EMSY: variants seen among roughly 807,000 people sequenced by gnomAD.
The protein encoded by EMSY is BRCA2-interacting transcriptional repressor EMSY.
A neutral mutation model predicts 134.6 loss-of-function variants in EMSY; 26 were observed. The observed-to-expected ratio is 0.19, with a 90% CI of 0.14 to 0.27. EMSY has a LOEUF of 0.27. Among genes scored for constraint, EMSY ranks in the 10% least tolerant of loss-of-function variants. The probability of loss-of-function intolerance (pLI) is 1.00; values close to 1 mark genes in which losing one functional copy is unlikely to be tolerated. For missense variants in EMSY, 1,305 were observed against 1,611.4 expected (o/e 0.81, Z 3.26); for synonymous variants, 579 against 577.8 (o/e 1.00, Z -0.03).
chr11:76,450,056 GCT>G (rs1491296393), intron 2 of EMSY, among the ~76,000 whole-genome samples: 1 of 85,166 alleles, frequency 1.2e-5, no homozygotes, highest in Non-Finnish European at 2.1e-5. Context: ...TTGTACATTT[GCT>G]TTTTTTTTTT....
At chr11:76,450,311 T>G (rs1425638767) in intron 2 of EMSY, among the ~76,000 whole-genome samples, 1 of 152,158 alleles carries the variant, frequency 6.6e-6, no homozygotes, top group African/African-American at 2.4e-5. Flanking sequence ...GACTCTATTC[T>G]GGGTCCGATA....
chr11:76,491,582 A>C (rs1244944845), intron 8 of EMSY, among the ~76,000 whole-genome samples: 2 of 152,166 alleles, frequency 1.3e-5, no homozygotes, highest in African/African-American at 4.8e-5. Flanking sequence ...TGGCCCTCCT[A>C]GGCAGAAGCC....
At chr11:76,459,749 T>A in intron 5 of EMSY, 184 bp from the exon 7 acceptor site, 1 of 560,114 alleles carries the variant, frequency 1.8e-6, no homozygotes, top group Non-Finnish European at 3.0e-6. Flanking sequence ...AAAAATCTAT[T>A]TAAGTGATAA....
chr11:76,541,102 T>C (rs896117835), intron 17 of EMSY, among the ~76,000 whole-genome samples: 1 of 152,210 alleles, frequency 6.6e-6, no homozygotes, highest in African/African-American at 2.4e-5. Context: ...GGTGCACACA[T>C]GTAATCCCAG....
chr11:76,449,216 ATG>A (rs1335272276), intron 2 of EMSY, among the ~76,000 whole-genome samples: 1 of 152,236 alleles, frequency 6.6e-6, no homozygotes, highest in Non-Finnish European at 1.5e-5. Context: ...AATTTGAGGT[ATG>A]TGAAGATCTA....
intron 4 of EMSY, among the ~76,000 whole-genome samples, chr11:76,457,303 G>A (rs1947912708): frequency 6.6e-6 from 1 of 152,166 alleles, no homozygotes. Flanking sequence ...AGTGTGAAGA[G>A]ATTGATTATT....
chr11:76,467,825 C>T (rs1266596043), intron 7 of EMSY, among the ~76,000 whole-genome samples: 1 of 151,682 alleles, frequency 6.6e-6, no homozygotes, highest in Non-Finnish European at 1.5e-5. Flanking sequence ...AAACGCTGTC[C>T]CTACTAAAAA....
chr11:76,509,343 A>G (rs1415354506), intron 9 of EMSY, among the ~76,000 whole-genome samples: 2 of 152,172 alleles, frequency 1.3e-5, no homozygotes, highest in South Asian at 2.1e-4. Context: ...AAATACAAAA[A>G]TAAACCAGGT....
intron 9 of EMSY, among the ~76,000 whole-genome samples, chr11:76,506,786 G>A (rs1440429303): frequency 2.0e-5 from 3 of 152,104 alleles, no homozygotes; most frequent in South Asian, 2.1e-4. Context: ...CGAAAATCCC[G>A]ATAAGATGAA....
At chr11:76,464,705 ATCT>A (rs1436885143) in intron 7 of EMSY, among the ~76,000 whole-genome samples, 3 of 151,890 alleles carry the variant, frequency 2.0e-5, no homozygotes, top group Non-Finnish European at 4.4e-5. Context: ...CATCATTCTG[ATCT>A]TCTTTGTTAG....
intron 18 of EMSY, among the ~76,000 whole-genome samples, chr11:76,543,959 C>A (rs931894636): frequency 2.6e-5 from 4 of 152,172 alleles, no homozygotes; most frequent in African/African-American, 7.2e-5. Context: ...AGCCAGGGAG[C>A]CTTTCTCTTC....
chr11:76,479,937 A>G lies in EMSY; in HGVS notation c.1108+7097A>G, dbSNP rs1325199647. Reference sequence around the variant, plus strand: ...ATGAAACAAGCAAAGATCTATCATGATGAACTAAAAATTGAAGGAAGCTGT... The same window carrying G: ...ATGAAACAAGCAAAGATCTATCATGGTGAACTAAAAATTGAAGGAAGCTGT... On this transcript the variant is annotated intron_variant, in intron 8 of 20. Coordinates refer to ENST00000334736, the Ensembl canonical transcript of EMSY. Among the ~76,000 whole-genome samples the G allele has an allele frequency of 2.0e-5, 3 of 152,238 alleles. No homozygotes were observed. In the East Asian group the frequency reaches 5.8e-4, roughly 29 times the overall value.
intron 6 of EMSY, among the ~76,000 whole-genome samples, chr11:76,462,784 A>G (rs902492717): frequency 2.0e-5 from 3 of 152,212 alleles, no homozygotes; most frequent in African/African-American, 7.2e-5. Context: ...GTGTTCTTGG[A>G]AAGATATGGA....
At chr11:76,536,186 A>G in intron 15 of EMSY, 127 bp downstream of exon 16, 1 of 633,222 alleles carries the variant, frequency 1.6e-6, no homozygotes, top group Non-Finnish European at 2.2e-6. Flanking sequence ...ATTTGAGCAC[A>G]TTTCCCCCCT....
At chr11:76,477,531 C>T (rs1233357305) in intron 8 of EMSY, among the ~76,000 whole-genome samples, 1 of 151,360 alleles carries the variant, frequency 6.6e-6, no homozygotes, top group African/African-American at 2.4e-5. Flanking sequence ...TTACTTTTTT[C>T]TTAGATAAAT....
intron 8 of EMSY, among the ~76,000 whole-genome samples, chr11:76,473,506 A>G (rs1052005935): frequency 6.6e-6 from 1 of 151,582 alleles, no homozygotes; most frequent in African/African-American, 2.4e-5. Context: ...ATGGGGTCTC[A>G]CCATGTTGCC....
intron 12 of EMSY, among the ~76,000 whole-genome samples, chr11:76,525,563 T>C (rs1386497660): frequency 6.6e-6 from 1 of 152,178 alleles, no homozygotes; most frequent in East Asian, 1.9e-4. Context: ...ATTTTAATAA[T>C]TTAGTAAAGT....
rs1182854293 is a variant in EMSY, at chr11:76,457,423, C to G, written c.246-760C>G. On this transcript the variant is annotated intron_variant, in intron 4 of 20. Transcript: ENST00000334736. ...TGATATTTCAACCTCTGGTTGGATT[C>G]TTGGAATAAAATTTGCTCCAGGAAT... 2.0e-5 allele frequency among the ~76,000 whole-genome samples: 3 copies of G among 152,142 alleles called. No individual in the cohort carries two copies. The East Asian group carries it at 5.8e-4, about 29-fold the overall frequency.
At chr11:76,517,487 A>G (rs906276730) in intron 11 of EMSY, among the ~76,000 whole-genome samples, 1 of 152,154 alleles carries the variant, frequency 6.6e-6, no homozygotes, top group Non-Finnish European at 1.5e-5. Context: ...GGGATCTTAT[A>G]TTTCATTGGT....
Sources: allele counts gnomAD v4.1 joint callset (sites outside exome capture counted in the v4.1 genomes callset), GRCh38; gene constraint gnomAD v4.1.1; transcripts MANE v1.5; gene names NCBI Gene and HGNC (gene_info 2026-07-23, HGNC 2026-07-21).